ENTREP2: variants seen among roughly 807,000 people sequenced by gnomAD.
ENTREP2 encodes protein ENTREP2.
At chr15:29,474,397 T>A in the ENTREP2 span, among the ~76,000 whole-genome samples, 138,516 of 152,160 alleles carry the variant, frequency 0.91, 63,156 homozygotes, top group East Asian at 1. Context: ...CAGAAAACAC[T>A]GTCATGCTTC....
At chr15:29,220,373 T>C in the ENTREP2 span, among the ~76,000 whole-genome samples, 5 of 152,242 alleles carry the variant, frequency 3.3e-5, no homozygotes, top group African/African-American at 9.6e-5. Context: ...TAAACGCACG[T>C]TATTTTTGGC....
the ENTREP2 span, among the ~76,000 whole-genome samples, chr15:29,260,392 A>G: frequency 6.6e-6 from 1 of 152,236 alleles, no homozygotes; most frequent in Non-Finnish European, 1.5e-5. Context: ...TGAAGTTAAA[A>G]ATCAGTAACA....
At chr15:29,130,711 A>AC in the ENTREP2 span, among the ~76,000 whole-genome samples, 1 of 152,046 alleles carries the variant, frequency 6.6e-6, no homozygotes, top group Non-Finnish European at 1.5e-5. Context: ...CCTATCTATC[A>AC]CCTCTCGCAA....
chr15:29,342,863 TTAGA>T, the ENTREP2 span, among the ~76,000 whole-genome samples: 10 of 152,318 alleles, frequency 6.6e-5, no homozygotes, highest in East Asian at 1.9e-3. Flanking sequence ...ACGATCTGAA[TTAGA>T]AATATTTCTC....
At chr15:29,347,220 G>T in the ENTREP2 span, among the ~76,000 whole-genome samples, 2 of 151,982 alleles carry the variant, frequency 1.3e-5, no homozygotes, top group African/African-American at 2.4e-5. Flanking sequence ...TGTCACCCAG[G>T]CTAGAGTGCA....
At chr15:29,536,686 T>C in the ENTREP2 span, among the ~76,000 whole-genome samples, 3 of 152,256 alleles carry the variant, frequency 2.0e-5, no homozygotes, top group Middle Eastern at 3.4e-3. Context: ...AAGAAGGTCT[T>C]TGCAGATTTA....
chr15:29,548,809 A>G, the ENTREP2 span, among the ~76,000 whole-genome samples: 1 of 152,186 alleles, frequency 6.6e-6, no homozygotes, highest in Non-Finnish European at 1.5e-5. Context: ...ATTATCCTCT[A>G]TACTGGTCTA....
the ENTREP2 span, chr15:29,126,178 G>A: frequency 9.4e-7 from 1 of 1,059,638 alleles, no homozygotes; most frequent in African/African-American, 1.6e-5. Flanking sequence ...TGCAGGGCCG[G>A]GCCTCCACTC....
chr15:29,269,668 C>T, the ENTREP2 span: 1 of 1,560,020 alleles, frequency 6.4e-7, no homozygotes, highest in Non-Finnish European at 8.6e-7. Context: ...CTCGGCCTGG[C>T]CGCCAGAGCG....
the ENTREP2 span, among the ~76,000 whole-genome samples, chr15:29,126,032 G>C: frequency 1.3e-5 from 2 of 152,200 alleles, no homozygotes; most frequent in African/African-American, 4.8e-5. Flanking sequence ...ACTGGGCCCC[G>C]GGCCCCTTGA....
the ENTREP2 span, among the ~76,000 whole-genome samples, chr15:29,607,304 C>CTTTTTTTTTTTTTTTTTTTTTTTTTTTCT: frequency 7.6e-6 from 1 of 131,798 alleles, no homozygotes; most frequent in African/African-American, 2.9e-5. Flanking sequence ...CTCTTCATTT[C>CTTTTTTTTTTTTTTTTTTTTTTTTTTTCT]TTTTTTTTTT....
the ENTREP2 span, among the ~76,000 whole-genome samples, chr15:29,599,431 G>C: frequency 6.6e-6 from 1 of 152,178 alleles, no homozygotes; most frequent in African/African-American, 2.4e-5. Flanking sequence ...AGGGCTGGTG[G>C]TTGAGGTTTT....
the ENTREP2 span, among the ~76,000 whole-genome samples, chr15:29,658,418 A>G: frequency 1.3e-5 from 2 of 152,198 alleles, no homozygotes; most frequent in Non-Finnish European, 2.9e-5. Context: ...TCCTTATAGC[A>G]GAGGGATAAT....
the ENTREP2 span, among the ~76,000 whole-genome samples, chr15:29,200,620 G>A: frequency 3.6e-4 from 54 of 151,670 alleles, no homozygotes; most frequent in African/African-American, 1.2e-3. Context: ...GTGCAATTGC[G>A]TGATCTCACC....
At chr15:29,399,103 C>A in the ENTREP2 span, among the ~76,000 whole-genome samples, 1 of 152,176 alleles carries the variant, frequency 6.6e-6, no homozygotes, top group Admixed American at 6.5e-5. Flanking sequence ...AGCTTCCCCA[C>A]CCACAGCTTG....
chr15:29,489,554 G>C, the ENTREP2 span, among the ~76,000 whole-genome samples: 4 of 152,166 alleles, frequency 2.6e-5, no homozygotes, highest in African/African-American at 4.8e-5. Flanking sequence ...TATTTTAATT[G>C]AATTCATTCT....
chr15:29,570,825 A>T, the ENTREP2 span: 3 of 354,532 alleles, frequency 8.5e-6, no homozygotes, highest in African/African-American at 7.1e-5. Flanking sequence ...GGGTGCAGGG[A>T]CGGCCTCCCA....
the ENTREP2 span, among the ~76,000 whole-genome samples, chr15:29,631,429 T>C: frequency 6.6e-6 from 1 of 152,214 alleles, no homozygotes; most frequent in African/African-American, 2.4e-5. Flanking sequence ...AGACTTAGGA[T>C]GCAAGTCCCT....
At chr15:29,544,176 G>T in the ENTREP2 span, among the ~76,000 whole-genome samples, 3 of 152,116 alleles carry the variant, frequency 2.0e-5, no homozygotes, top group Non-Finnish European at 4.4e-5. Context: ...GCAGAAGAAA[G>T]ACATAAGAAG....
Sources: allele counts gnomAD v4.1 joint callset (sites outside exome capture counted in the v4.1 genomes callset), GRCh38; gene constraint gnomAD v4.1.1; transcripts MANE v1.5; gene names NCBI Gene and HGNC (gene_info 2026-07-23, HGNC 2026-07-21).